Variants in SREBF1 observed in about 807,000 individuals in gnomAD.
SREBF1 encodes the protein sterol regulatory element binding transcription factor 1.
In SREBF1, 45 loss-of-function variants were observed where a neutral mutation model predicts 100.1. The ratio of observed to expected loss-of-function variants is 0.45; its 90% CI spans 0.35 to 0.58. The LOEUF (loss-of-function observed/expected upper bound fraction) is 0.58, where lower values mean the gene tolerates loss of function less well. SREBF1 is among the 20% of genes least tolerant of loss of function. The pLI is 0.00. For synonymous variants in SREBF1, 657 were observed against 681.8 expected (o/e 0.96, Z 0.57); for missense variants, 1,324 against 1,539.4 (o/e 0.86, Z 2.34).
chr17:17,813,584 C>A lies in SREBF1; in HGVS notation c.3087G>T (p.Arg1029=). Residue 1029 remains arginine (R), a synonymous_variant, in exon 17 of 19, where the codon CGG becomes CGT. Transcript: ENST00000261646. ...GGGCACTCACCCTCCGCATGGCGGG[C>A]CGGAAGCTCTGTGCCAGCCGCCTCA... ...SSLRRLAQSF[R]PAMRRVFLHE... The A allele has an allele frequency of 1.3e-6, 2 of 1,594,984 alleles. No individual in the cohort carries two copies. Among genetic ancestry groups the A allele is most frequent in the East Asian group, 2.3e-5 (1 of 44,218 alleles).
At position 17,817,833 on chromosome 17, in the gene SREBF1, C is replaced by T; in HGVS notation, c.1267G>A (p.Asp423Asn). The T allele has an allele frequency of 6.2e-7, 1 of 1,610,866 alleles. No homozygotes were observed. The highest frequency in any genetic ancestry group is 8.5e-7 in the Non-Finnish European group (1 of 1,179,994). Residue 423 changes from aspartate to asparagine, a missense_variant, in exon 7 of 19, where the codon GAC (aspartate) becomes AAC (asparagine). By Grantham distance (23) the Asp-to-Asn change is conservative. Transcript: ENST00000261646. The surrounding 1 kb of genome is among the most constrained non-coding windows in gnomAD (Gnocchi z 6.6). Reference protein sequence around the residue: ...LMEGVKTEVEDTLTPPPSDAG... With the variant: ...LMEGVKTEVENTLTPPPSDAG... ...TCCGAGGGGGGTGGGGTCAGTGTGT[C>T]CTCCACCTCAGTCTTCACGCCCTCC...
rs1567946743 is a variant in SREBF1 at position 17,811,816 on chromosome 17, G to GACA, written c.*803_*805dup. On this transcript the variant is annotated 3_prime_UTR_variant, in exon 19 of 19. Coordinates refer to ENST00000261646, the MANE Select transcript of SREBF1 (RefSeq NM_004176.5). ...GGGACAGAGCTGGGAGGTGAGAAGG[G>GACA]ACAACTGACCCCATGGAGGCCCTAA... 2 of 451,082 alleles carry GACA rather than the reference G, an allele frequency of 4.4e-6. No individual in the cohort carries two copies. The highest frequency in any genetic ancestry group is 3.1e-5 in the South Asian group (2 of 64,060). 27.9% of individuals were successfully genotyped at this position (451,082 alleles called of 1,614,324 possible). A position where few individuals can be genotyped will look rare whatever the true frequency, so the allele number is the denominator to read the frequency against.
chr17:17,833,211 CAGG>C (rs1298905631), intron 1 of SREBF1, among the ~76,000 whole-genome samples: 7 of 151,098 alleles, frequency 4.6e-5, no homozygotes, highest in Non-Finnish European at 8.8e-5. Context: ...ATCACAAGGT[CAGG>C]AGATCGAGAC....
intron 12 of SREBF1, 184 bp from the exon 13 acceptor site, chr17:17,815,513 G>C: frequency 1.6e-6 from 1 of 607,448 alleles, no homozygotes; most frequent in Non-Finnish European, 2.9e-6. Context: ...ACCAGCACCA[G>C]CCTTGGCCAG....
intron 1 of SREBF1, chr17:17,823,678 C>G: frequency 4.4e-6 from 5 of 1,146,926 alleles, no homozygotes; most frequent in Non-Finnish European, 5.9e-6. Context: ...GCCCCGCCCC[C>G]AGCCCCGCCC....
Position 17,811,643 on chromosome 17 carries a change from A to G in SREBF1, c.*979T>C. 2.3e-6 allele frequency: 1 copy of G among 439,176 alleles called. No individual in the cohort carries two copies. Among genetic ancestry groups the G allele is most frequent in the Non-Finnish European group, 4.5e-6 (1 of 220,848 alleles). The allele number at this position is 439,176 out of a possible 1,614,324, so 27.2% of individuals were successfully genotyped here. On this transcript the variant is annotated 3_prime_UTR_variant, in exon 19 of 19. Transcript: ENST00000261646. ...GTGTGGCGGCAGGTCGGGAGGGAGG[A>G]GGCTTCTTTGCTGTGAGATGACCAG...
intron 1 of SREBF1, among the ~76,000 whole-genome samples, chr17:17,828,857 C>T (rs949717150): frequency 6.6e-6 from 1 of 151,888 alleles, no homozygotes; most frequent in South Asian, 2.1e-4. Flanking sequence ...AACATTGCAG[C>T]GAGCTGTGAT....
rs3785497 is a variant in SREBF1 at position 17,836,644 on chromosome 17, G to A, written c.91+83C>T. On this transcript the variant is annotated intron_variant, in intron 1 of 18. Transcript: ENST00000261646. ...ACAGCACGGAGCTGGCGCCCGTGGGGGAGACAAAGGCCAGGGAGACACCTG... is the reference window on the plus strand; with the variant it reads ...ACAGCACGGAGCTGGCGCCCGTGGGAGAGACAAAGGCCAGGGAGACACCTG... 4,158 of 1,377,460 alleles carry A rather than the reference G, an allele frequency of 3.0e-3. 102 individuals carry two copies. The East Asian group carries it at 0.07, about 23-fold the overall frequency. 85.3% of individuals were successfully genotyped at this position (1,377,460 alleles called of 1,614,324 possible).
At chr17:17,826,829 A>G (rs1222027735) in intron 1 of SREBF1, among the ~76,000 whole-genome samples, 1 of 152,220 alleles carries the variant, frequency 6.6e-6, no homozygotes, top group Non-Finnish European at 1.5e-5. Flanking sequence ...GCCTCATGGC[A>G]TGCGCTTGTA....
chr17:17,820,083 C>T lies in SREBF1; in HGVS notation c.523+7G>A, dbSNP rs1172544238. On this transcript the variant is annotated splice_region_variant and intron_variant, in intron 2 of 18. Coordinates refer to ENST00000261646, the MANE Select transcript of SREBF1 (RefSeq NM_004176.5). ...GGGTGTCCCCTCCCGCCACACATCC[C>T]CCTTACCTGTAGAGAAGCCTCCCGG... 6.2e-7 allele frequency: 1 copy of T among 1,610,398 alleles called. No homozygotes were observed. Among genetic ancestry groups the T allele is most frequent in the Admixed American group, 1.7e-5 (1 of 59,872 alleles).
At position 17,811,470 on chromosome 17, in the gene SREBF1, T is replaced by TCCGACCAGATTCAGCTGGGAG. The variant is rs1446551025; in HGVS notation, c.*1131_*1151dup. The TCCGACCAGATTCAGCTGGGAG allele has an allele frequency of 1.7e-5, 4 of 234,476 alleles. No homozygotes were observed. The highest frequency in any genetic ancestry group is 2.5e-5 in the African/African-American group (1 of 39,226). 14.5% of individuals were successfully genotyped at this position (234,476 alleles called of 1,614,324 possible). On this transcript the variant is annotated 3_prime_UTR_variant, in exon 19 of 19. Transcript: ENST00000261646. ...TTTGGAAAATCTGCAGCCCGTGGAT[T>TCCGACCAGATTCAGCTGGGAG]CCGACCAGATTCAGCTGGGAGCCGG...
In SREBF1 at chr17:17,813,650, G is replaced by A. The variant is rs765939564; in HGVS notation, c.3021C>T (p.Ser1007=). The stretch of plus-strand genomic sequence containing the variant: ...GTTGGAAGCCACGCAGCTCAAGGGC[G>A]GAAGCCTGGGGCCTGCTGCTGGTGC... The part of the protein sequence containing the change: ...AQGTSSRPQA[S]ALELRGFQRD... The change falls in exon 17 of 19, where the codon TCC becomes TCT. Residue 1007 remains serine, a synonymous_variant. Coordinates refer to ENST00000261646, the MANE Select transcript of SREBF1 (RefSeq NM_004176.5). 7.4e-5 allele frequency: 115 copies of A among 1,562,584 alleles called. No homozygotes were observed. The highest frequency in any genetic ancestry group is 9.6e-5 in the Non-Finnish European group (112 of 1,161,112).
At chr17:17,823,659 C>G in intron 1 of SREBF1, 3 of 1,220,508 alleles carry the variant, frequency 2.5e-6, no homozygotes, top group Non-Finnish European at 3.3e-6. Context: ...GGCGCGCCCG[C>G]CCCGCCCCGC....
At position 17,819,729 on chromosome 17, in the gene SREBF1, C is replaced by A; in HGVS notation, c.524-4G>T. 6.3e-7 allele frequency: 1 copy of A among 1,597,192 alleles called. No homozygotes were observed. The highest frequency in any genetic ancestry group is 8.5e-7 in the Non-Finnish European group (1 of 1,175,646). ...TGGGTGTTCCCGGGAGGGCTTCCTG[C>A]AGAAATAAAGCATGGGGCTGCAGAC... is the stretch of plus-strand genomic sequence containing the variant. On this transcript the variant is annotated splice_polypyrimidine_tract_variant and splice_region_variant and intron_variant, in intron 2 of 18. Transcript: ENST00000261646.
chr17:17,814,001 A>G (rs1262824552), intron 16 of SREBF1: 4 of 659,108 alleles, frequency 6.1e-6, no homozygotes, highest in Non-Finnish European at 7.8e-6. Flanking sequence ...AGGGCCTCCA[A>G]AGGGATCCTA....
chr17:17,823,649 G>GC lies in SREBF1; in HGVS notation c.92-3129_92-3128insG, dbSNP rs769138439. 4 of 1,495,698 alleles carry GC rather than the reference G, an allele frequency of 2.7e-6. No homozygotes were observed. The African/African-American group carries it at 5.6e-5, about 21-fold the overall frequency. 92.7% of individuals were successfully genotyped at this position (1,495,698 alleles called of 1,614,324 possible). On this transcript the variant is annotated intron_variant, in intron 1 of 18. Coordinates refer to ENST00000261646, the MANE Select transcript of SREBF1 (RefSeq NM_004176.5). ...GATTTTTGAAGCCGTTGAGCGCTGC[G>GC]GCGCGCCCGCCCCGCCCCGCCCCGC...
rs781671723 is a variant in SREBF1, at chr17:17,820,532, G to A, written c.92-11C>T. ...TAAGCTGAAGCATGTCTGTGAAAAGGAGAAGAGGGTGCGTGAGTGAGGCAG... is the reference window on the plus strand; with the variant it reads ...TAAGCTGAAGCATGTCTGTGAAAAGAAGAAGAGGGTGCGTGAGTGAGGCAG... On this transcript the variant is annotated splice_polypyrimidine_tract_variant and intron_variant, in intron 1 of 18. Transcript: ENST00000261646. 23 of 1,451,320 alleles carry A rather than the reference G, an allele frequency of 1.6e-5. No homozygotes were observed. The highest frequency in any genetic ancestry group is 2.2e-5 in the Non-Finnish European group (23 of 1,043,662). 89.9% of individuals were successfully genotyped at this position (1,451,320 alleles called of 1,614,324 possible).
intron 1 of SREBF1, among the ~76,000 whole-genome samples, chr17:17,829,956 G>A (rs1047479441): frequency 1.6e-4 from 25 of 151,708 alleles, no homozygotes; most frequent in African/African-American, 4.1e-4. Flanking sequence ...ATCTTCCATG[G>A]AAGCCAAGGA....
At chr17:17,833,963 C>G (rs1388195736) in intron 1 of SREBF1, among the ~76,000 whole-genome samples, 2 of 150,980 alleles carry the variant, frequency 1.3e-5, no homozygotes, top group African/African-American at 4.9e-5. Flanking sequence ...AGAGCGAGAC[C>G]CTGTCTCAAA....
Sources: gnomAD v4.1 joint callset for allele counts (sites outside exome capture counted in the v4.1 genomes callset) on GRCh38, gnomAD v4.1.1 for gene constraint, Gnocchi (gnomAD v3.1) non-coding constraint, MANE v1.5 for transcripts, NCBI Gene and HGNC (gene_info 2026-07-23, HGNC 2026-07-21) for gene names.